Variants in PDE4B observed in about 807,000 individuals in gnomAD.
PDE4B encodes the protein phosphodiesterase 4B.
Under a neutral mutation model 82.2 loss-of-function variants are expected in PDE4B, and 20 were observed. That is an observed-to-expected ratio of 0.24 (90% CI 0.17 to 0.35). The LOEUF is 0.35. PDE4B is among the 10% of genes least tolerant of loss of function. The probability of loss-of-function intolerance (pLI) is 1.00; values close to 1 mark genes in which losing one functional copy is unlikely to be tolerated. For synonymous variants in PDE4B, 320 were observed against 318.9 expected (o/e 1.00, Z -0.04); for missense variants, 655 against 907.2 (o/e 0.72, Z 3.57).
intron 3 of PDE4B, among the ~76,000 whole-genome samples, chr1:66,104,117 T>A (rs1299401297): frequency 8.2e-6 from 1 of 121,790 alleles, no homozygotes; most frequent in African/African-American, 3.2e-5. Flanking sequence ...GTCCCCAGAG[T>A]GTGATGTTCC....
chr1:66,026,246 C>T (rs1315758730), intron 3 of PDE4B, among the ~76,000 whole-genome samples: 1 of 152,178 alleles, frequency 6.6e-6, no homozygotes, highest in Non-Finnish European at 1.5e-5. Flanking sequence ...CCTACACTTT[C>T]AGCTTTGACC....
chr1:65,958,022 T>C (rs1179512592), intron 3 of PDE4B, among the ~76,000 whole-genome samples: 1 of 152,082 alleles, frequency 6.6e-6, no homozygotes, highest in Admixed American at 6.6e-5. Context: ...GTATTGGGTG[T>C]TTAGTACAGT....
intron 1 of PDE4B, among the ~76,000 whole-genome samples, chr1:65,905,642 G>T (rs944163268): frequency 1.3e-5 from 2 of 152,096 alleles, no homozygotes; most frequent in Admixed American, 1.3e-4. Context: ...AATAGAGAGA[G>T]GGGGAGTGGA....
chr1:66,078,330 G>C (rs1423638406), intron 3 of PDE4B, among the ~76,000 whole-genome samples: 1 of 151,916 alleles, frequency 6.6e-6, no homozygotes, highest in Non-Finnish European at 1.5e-5. Flanking sequence ...CTGAGTAGCT[G>C]GGACTACAGG....
intron 3 of PDE4B, among the ~76,000 whole-genome samples, chr1:66,229,311 C>T (rs1651756220): frequency 6.6e-6 from 1 of 152,208 alleles, no homozygotes; most frequent in African/African-American, 2.4e-5. Flanking sequence ...GCCCGGCCCC[C>T]CAGAGGCTTC....
intron 3 of PDE4B, among the ~76,000 whole-genome samples, chr1:66,091,065 T>C (rs1399872760): frequency 6.6e-6 from 1 of 152,016 alleles, no homozygotes; most frequent in Non-Finnish European, 1.5e-5. Flanking sequence ...AGCACCCTGT[T>C]GTGGCCCCTG....
At chr1:66,085,112 A>G (rs1656939345) in intron 3 of PDE4B, among the ~76,000 whole-genome samples, 1 of 151,448 alleles carries the variant, frequency 6.6e-6, no homozygotes, top group Admixed American at 6.6e-5. Flanking sequence ...AGTGTGTAGA[A>G]CGGAATCGCC....
intron 3 of PDE4B, among the ~76,000 whole-genome samples, chr1:65,977,385 G>A (rs1327684412): frequency 6.6e-6 from 1 of 152,110 alleles, no homozygotes; most frequent in Non-Finnish European, 1.5e-5. Context: ...AAAGAACATA[G>A]ACTTAATTAC....
intron 3 of PDE4B, among the ~76,000 whole-genome samples, chr1:66,116,725 G>A (rs187573053): frequency 9.5e-4 from 145 of 152,042 alleles, no homozygotes; most frequent in Middle Eastern, 3.4e-3. Flanking sequence ...CACCACACCC[G>A]GCTGATCTTT....
At chr1:66,067,256 A>G (rs1354346394) in intron 3 of PDE4B, among the ~76,000 whole-genome samples, 1 of 152,090 alleles carries the variant, frequency 6.6e-6, no homozygotes, top group Non-Finnish European at 1.5e-5. Context: ...TCCCTGAGGA[A>G]TCGCCACACT....
At chr1:65,812,612 C>G in intron 1 of PDE4B, among the ~76,000 whole-genome samples, 1 of 152,042 alleles carries the variant, frequency 6.6e-6, no homozygotes, top group East Asian at 1.9e-4. Flanking sequence ...TTATTTTTTT[C>G]ATCCATTGGC....
At chr1:65,809,332 C>CAAAAAAAAAAAAAAAA (rs11366228) in intron 1 of PDE4B, among the ~76,000 whole-genome samples, 1 of 72,514 alleles carries the variant, frequency 1.4e-5, no homozygotes, top group African/African-American at 5.4e-5. Flanking sequence ...CTCCATCTCA[C>CAAAAAAAAAAAAAAAA]AAAAAAAAAA....
At chr1:65,864,644 T>C (rs1338591784) in intron 1 of PDE4B, among the ~76,000 whole-genome samples, 2 of 152,156 alleles carry the variant, frequency 1.3e-5, no homozygotes, top group African/African-American at 4.8e-5. Context: ...CTGCTGCAAT[T>C]TGCTGAAGCT....
At chr1:66,080,579 CAA>C (rs1570171690) in intron 3 of PDE4B, among the ~76,000 whole-genome samples, 1 of 152,022 alleles carries the variant, frequency 6.6e-6, no homozygotes, top group East Asian at 1.9e-4. Flanking sequence ...CTATAGAAAA[CAA>C]AGTGGGAAAA....
At chr1:65,840,217 T>C (rs1038042543) in intron 1 of PDE4B, among the ~76,000 whole-genome samples, 3 of 152,188 alleles carry the variant, frequency 2.0e-5, no homozygotes, top group Middle Eastern at 3.4e-3. Context: ...GTGAGAAGTA[T>C]GAAAAAGTTG....
chr1:66,279,778 A>G (rs1656160799), intron 7 of PDE4B, among the ~76,000 whole-genome samples: 1 of 152,204 alleles, frequency 6.6e-6, no homozygotes, highest in South Asian at 2.1e-4. Context: ...TCAGGCAGTA[A>G]TTAATGCTGC....
chr1:66,185,930 C>T (rs976317401), intron 3 of PDE4B, among the ~76,000 whole-genome samples: 2 of 152,278 alleles, frequency 1.3e-5, no homozygotes, highest in South Asian at 2.1e-4. Flanking sequence ...TCTTGAATGG[C>T]ATTGCCTAGG....
intron 7 of PDE4B, among the ~76,000 whole-genome samples, chr1:66,295,566 C>T (rs1470880907): frequency 6.6e-6 from 1 of 152,130 alleles, no homozygotes; most frequent in African/African-American, 2.4e-5. Context: ...GTAGCTACAA[C>T]TACAGGTGCA....
chr1:66,214,870 C>T (rs746756528), intron 3 of PDE4B, among the ~76,000 whole-genome samples: 1 of 152,090 alleles, frequency 6.6e-6, no homozygotes, highest in African/African-American at 2.4e-5. Context: ...CTAAATAAAA[C>T]TGAAAGTGAT....
Sources: gnomAD v4.1 joint callset for allele counts (sites outside exome capture counted in the v4.1 genomes callset) on GRCh38, gnomAD v4.1.1 for gene constraint, MANE v1.5 for transcripts, NCBI Gene and HGNC (gene_info 2026-07-23, HGNC 2026-07-21) for gene names.